NSD3: variants seen among roughly 807,000 people sequenced by gnomAD.
NSD3 encodes histone-lysine N-methyltransferase NSD3.
In NSD3, 24 loss-of-function variants were observed where a neutral mutation model predicts 160.8. The ratio of observed to expected loss-of-function variants is 0.15; its 90% CI spans 0.11 to 0.21. NSD3 has a LOEUF of 0.21. Ranked by LOEUF, NSD3 falls within the 10% of genes least tolerant of loss-of-function variation. The probability of loss-of-function intolerance (pLI) is 1.00; values close to 1 mark genes in which losing one functional copy is unlikely to be tolerated. For synonymous variants in NSD3, 520 were observed against 600.0 expected, an observed-to-expected ratio of 0.87 and a Z score of 1.95; for missense variants, 1,157 against 1,735.9, an observed-to-expected ratio of 0.67 and a Z score of 5.93.
chr8:38,299,667 C>T (rs1268518524), intron 14 of NSD3, 77 bp from the exon 15 acceptor site: 1 of 1,391,066 alleles, frequency 7.2e-7, no homozygotes, highest in African/African-American at 1.5e-5. Flanking sequence ...AAACCAACAC[C>T]TATTATGTAT....
At chr8:38,340,944 CTT>C (rs1810348987) in intron 2 of NSD3, among the ~76,000 whole-genome samples, 1 of 151,954 alleles carries the variant, frequency 6.6e-6, no homozygotes, top group Non-Finnish European at 1.5e-5. Flanking sequence ...GGAATGATCT[CTT>C]GAGGCCAAGA....
rs1223709287 is a variant in NSD3, at chr8:38,329,471, G to T, written c.1488C>A (p.Asn496Lys). 1 of 1,614,234 alleles carries T rather than the reference G, an allele frequency of 6.2e-7. No homozygotes were observed. The highest frequency in any genetic ancestry group is 8.5e-7 in the Non-Finnish European group (1 of 1,180,038). ...GTTCAATTTTCACAACTGGAGACAT[G>T]TTACACTTCTGCAAATCCAGGCTCC... ...HKGSLDLQKC[N>K]MSPVVKIEQV... Residue 496 changes from asparagine (N) to lysine (K), a missense_variant, in exon 6 of 24, where the codon AAC becomes AAA. Coordinates refer to ENST00000317025, the MANE Select transcript of NSD3 (RefSeq NM_023034.2). This position sits in a 1 kb window ranked among gnomAD's most constrained non-coding sequence, Gnocchi z 4.8.
intron 15 of NSD3, 134 bp downstream of exon 15, chr8:38,299,310 G>A: frequency 1.1e-6 from 1 of 893,624 alleles, no homozygotes; most frequent in Non-Finnish European, 1.6e-6. Context: ...TGAAGAAACA[G>A]TCACAACCAC....
chr8:38,319,788 A>AC lies in NSD3; in HGVS notation c.1810-849dup, dbSNP rs1585883413. ...TAAAAAAAATTTTATTTTTTTTACA[A>AC]CAGGTAAAAAAACATACAACAGAAA... is the stretch of plus-strand genomic sequence containing the variant. On this transcript the variant is annotated intron_variant, in intron 8 of 23. Transcript: ENST00000317025. This position sits in a 1 kb window ranked among gnomAD's most constrained non-coding sequence, Gnocchi z 4.1. The AC allele has an allele frequency of 6.6e-6, 1 of 152,208 alleles. No individual in the cohort carries two copies. The highest frequency in any genetic ancestry group is 1.9e-4 in the East Asian group (1 of 5,200). The allele number at this position is 152,208 out of a possible 1,614,324, so 9.4% of individuals were successfully genotyped here.
At chr8:38,344,475 T>C (rs185896824) in intron 2 of NSD3, among the ~76,000 whole-genome samples, 1 of 152,142 alleles carries the variant, frequency 6.6e-6, no homozygotes, top group Admixed American at 6.5e-5. Context: ...GGTTTCACCA[T>C]GTTGGCCAGG....
chr8:38,376,353 C>T (rs370014405), intron 1 of NSD3, among the ~76,000 whole-genome samples: 1 of 152,058 alleles, frequency 6.6e-6, no homozygotes, highest in Non-Finnish European at 1.5e-5. Flanking sequence ...CAGCTTACTC[C>T]CCTTTAACTC....
In NSD3 at chr8:38,290,555, T is replaced by C; in HGVS notation, c.3038A>G (p.Gln1013Arg). 1 of 1,614,170 alleles carries C rather than the reference T, an allele frequency of 6.2e-7. No homozygotes were observed. The highest frequency in any genetic ancestry group is 8.5e-7 in the Non-Finnish European group (1 of 1,180,016). Residue 1013 changes from glutamine (Q) to arginine (R), a missense_variant, in exon 17 of 24, where the codon CAG becomes CGG. Physicochemically the swap from Gln to Arg is conservative, Grantham distance 43. Around this residue, in one of 10 missense-constraint regions of NSD3, gnomAD observed 437 missense variants for 576.6 expected, o/e 0.76. Coordinates refer to ENST00000317025, the MANE Select transcript of NSD3 (RefSeq NM_023034.2). ...TTCAACATAAGGGAACACTCTGCCC[T>C]GGTGTACCCAGTAGTAGTCATGAGA... ...FGSHDYYWVH[Q>R]GRVFPYVEGD...
rs569978313 is a variant in NSD3, at chr8:38,375,811, T to TA, written c.-45+5987dup. 9.3e-3 allele frequency among the ~76,000 whole-genome samples: 1,407 copies of TA among 151,214 alleles called. 13 individuals are homozygous for TA. Among genetic ancestry groups the TA allele is most frequent in the Middle Eastern group, 0.082 (24 of 292 alleles). On this transcript the variant is annotated intron_variant, in intron 1 of 23. Transcript: ENST00000317025. ...TTTTCAAAAAATAATAGACTGCTTTTAAAAAAAAAGTAAAACTAAAAACAG... is the reference window on the plus strand; with the variant it reads ...TTTTCAAAAAATAATAGACTGCTTTTAAAAAAAAAAGTAAAACTAAAAACAG...
chr8:38,338,335 G>GA (rs796858703), intron 3 of NSD3, among the ~76,000 whole-genome samples: 28 of 145,568 alleles, frequency 1.9e-4, no homozygotes, highest in Admixed American at 9.0e-4. Context: ...ATGATCAATT[G>GA]AAAAAAAAAC....
Position 38,275,016 on chromosome 8 carries a change from C to T in NSD3, c.*625G>A, listed in dbSNP as rs895023785. The T allele has an allele frequency of 8.1e-5, 18 of 223,578 alleles. No homozygotes were observed. The highest frequency in any genetic ancestry group is 1.3e-3 in the Middle Eastern group (1 of 750). 13.8% of individuals were successfully genotyped at this position (223,578 alleles called of 1,614,324 possible). The stretch of plus-strand genomic sequence containing the variant: ...TTAAGACCACAGAGGTAAAATCCAC[C>T]GAGGCATTGTTTTCAAGAGGCCAGA... On this transcript the variant is annotated 3_prime_UTR_variant, in exon 24 of 24. Transcript: ENST00000317025.
At chr8:38,285,569 C>G (rs1248789430) in intron 19 of NSD3, among the ~76,000 whole-genome samples, 1 of 152,214 alleles carries the variant, frequency 6.6e-6, no homozygotes, top group Non-Finnish European at 1.5e-5. Flanking sequence ...AATAAGTTAT[C>G]TTACAACACA....
At chr8:38,327,870 C>T (rs1002438809) in intron 6 of NSD3, among the ~76,000 whole-genome samples, 9 of 152,064 alleles carry the variant, frequency 5.9e-5, no homozygotes, top group African/African-American at 2.2e-4. Flanking sequence ...ATTTTTAATG[C>T]AATGGAATAG....
chr8:38,350,624 T>C (rs185001274), intron 1 of NSD3, among the ~76,000 whole-genome samples: 45 of 152,328 alleles, frequency 3.0e-4, no homozygotes, highest in African/African-American at 6.7e-4. Flanking sequence ...GGAGTACTTT[T>C]ACAAAATGTA....
intron 1 of NSD3, among the ~76,000 whole-genome samples, chr8:38,365,551 C>T (rs2150392611): frequency 6.6e-6 from 1 of 152,322 alleles, no homozygotes; most frequent in African/African-American, 2.4e-5. Flanking sequence ...CAGCTCACTG[C>T]AACCTCTGCC....
chr8:38,345,242 GAGA>G (rs1284944831), intron 2 of NSD3, among the ~76,000 whole-genome samples: 2 of 136,502 alleles, frequency 1.5e-5, no homozygotes, highest in Non-Finnish European at 3.1e-5. Context: ...GAGAGAGGCA[GAGA>G]AGAAGGGAGA....
chr8:38,299,321 C>T, intron 15 of NSD3, 123 bp downstream of exon 15: 3 of 1,024,610 alleles, frequency 2.9e-6, no homozygotes, highest in Non-Finnish European at 2.7e-6. Flanking sequence ...TCACAACCAC[C>T]AAGGCAGAAT....
chr8:38,302,583 C>T (rs1378823525), intron 14 of NSD3, among the ~76,000 whole-genome samples: 1 of 152,210 alleles, frequency 6.6e-6, no homozygotes, highest in Non-Finnish European at 1.5e-5. Context: ...TTTCCCTCCA[C>T]TTACATTATT....
chr8:38,377,192 A>G (rs1409380337), intron 1 of NSD3, among the ~76,000 whole-genome samples: 4 of 152,142 alleles, frequency 2.6e-5, no homozygotes, highest in Non-Finnish European at 5.9e-5. Flanking sequence ...AGCCGGGATT[A>G]CAGGCACGCA....
intron 19 of NSD3, among the ~76,000 whole-genome samples, chr8:38,285,635 G>A (rs1017509888): frequency 6.6e-6 from 1 of 152,170 alleles, no homozygotes; most frequent in African/African-American, 2.4e-5. Flanking sequence ...TAAAGTGGAT[G>A]GATTTCAGGA....
Sources: allele counts gnomAD v4.1 joint callset (sites outside exome capture counted in the v4.1 genomes callset), GRCh38; gene constraint gnomAD v4.1.1; regional missense constraint gnomAD v4.1.1; non-coding constraint Gnocchi (gnomAD v3.1); transcripts MANE v1.5; gene names NCBI Gene and HGNC (gene_info 2026-07-23, HGNC 2026-07-21).